The following CDK19 variants were observed in gnomAD, a reference collection of about 807,000 sequenced individuals.
The protein encoded by CDK19 is cyclin dependent kinase 19, also known as cyclin-dependent kinase 19.
A neutral mutation model predicts 68.3 loss-of-function variants in CDK19; 20 were observed. The observed-to-expected ratio is 0.29, with a 90% CI of 0.21 to 0.43. The LOEUF is 0.43. Among genes scored for constraint, CDK19 ranks in the 20% least tolerant of loss-of-function variants. The probability of loss-of-function intolerance (pLI) is 1.00; values close to 1 mark genes in which losing one functional copy is unlikely to be tolerated. For synonymous variants in CDK19, 221 were observed against 222.8 expected, an observed-to-expected ratio of 0.99 and a Z score of 0.07; for missense variants, 339 against 623.5, an observed-to-expected ratio of 0.54 and a Z score of 4.86.
rs1465897227 is a variant in CDK19, at chr6:110,752,881, C to T, written c.129-6680G>A. 2.0e-5 allele frequency among the ~76,000 whole-genome samples: 3 copies of T among 152,070 alleles called. 1 individual carries two copies. The East Asian group carries it at 5.8e-4, about 29-fold the overall frequency. On this transcript the variant is annotated intron_variant, in intron 1 of 12. Transcript: ENST00000368911. ...TGACCTAGCCTACTCCTTTTTCTTA[C>T]AAACTGATTGACTAGTTATCTCGGG...
intron 4 of CDK19, chr6:110,646,567 A>T: frequency 3.2e-6 from 3 of 925,322 alleles, no homozygotes; most frequent in Middle Eastern, 5.5e-4. Flanking sequence ...GAGTACGGCC[A>T]CCTGCAGGGG....
chr6:110,658,959 A>G (rs1781464087), intron 4 of CDK19, among the ~76,000 whole-genome samples: 1 of 152,240 alleles, frequency 6.6e-6, no homozygotes, highest in South Asian at 2.1e-4. Context: ...GTCAACAACC[A>G]TATAAATTAC....
intron 2 of CDK19, among the ~76,000 whole-genome samples, chr6:110,713,206 A>C (rs1318543931): frequency 6.6e-6 from 1 of 151,442 alleles, no homozygotes; most frequent in Non-Finnish European, 1.5e-5. Context: ...AAAAAAAAAA[A>C]AAAAAAGCAA....
chr6:110,690,845 TAAGG>T (rs556178680), intron 2 of CDK19, among the ~76,000 whole-genome samples: 36 of 151,864 alleles, frequency 2.4e-4, no homozygotes, highest in Non-Finnish European at 4.1e-4. Context: ...GTCACATCCT[TAAGG>T]AAGGGAAAAA....
chr6:110,778,747 C>G (rs1022333530), intron 1 of CDK19, among the ~76,000 whole-genome samples: 4 of 152,090 alleles, frequency 2.6e-5, no homozygotes, highest in African/African-American at 9.7e-5. Flanking sequence ...TGTACATTTC[C>G]CAGCCTTCCT....
chr6:110,634,483 GC>G (rs1267178163), intron 5 of CDK19, among the ~76,000 whole-genome samples: 1 of 152,214 alleles, frequency 6.6e-6, no homozygotes, highest in Non-Finnish European at 1.5e-5. Context: ...CTCCCAAAGG[GC>G]TGGGATTACA....
chr6:110,636,887 T>C (rs1250976198), intron 5 of CDK19, among the ~76,000 whole-genome samples: 3 of 152,202 alleles, frequency 2.0e-5, no homozygotes, highest in Non-Finnish European at 2.9e-5. Context: ...ATTTAGAAGC[T>C]AGGAAGGGCA....
At chr6:110,786,226 T>C (rs1562287486) in intron 1 of CDK19, among the ~76,000 whole-genome samples, 1 of 152,152 alleles carries the variant, frequency 6.6e-6, no homozygotes, top group Non-Finnish European at 1.5e-5. Flanking sequence ...TTCTTGTGTG[T>C]CTTTTTCCTC....
At position 110,621,941 on chromosome 6, in the gene CDK19, C is replaced by T; in HGVS notation, c.1110+147G>A. ...AACTTCAAGGTACCTTTACAATCCC[C>T]AAACTTCCACAGAAAATAAGATACA... On this transcript the variant is annotated intron_variant, in intron 11 of 12. Coordinates refer to ENST00000368911, the MANE Select transcript of CDK19 (RefSeq NM_015076.5). This position sits in a 1 kb window ranked among gnomAD's most constrained non-coding sequence, Gnocchi z 5.4. The T allele has an allele frequency of 2.0e-6, 1 of 489,824 alleles. No individual in the cohort carries two copies. Among genetic ancestry groups the T allele is most frequent in the East Asian group, 3.3e-5 (1 of 30,224 alleles). 30.3% of individuals were successfully genotyped at this position (489,824 alleles called of 1,614,324 possible). A position where few individuals can be genotyped will look rare whatever the true frequency, so the allele number is the denominator to read the frequency against.
At chr6:110,768,910 T>C (rs1779779046) in intron 1 of CDK19, among the ~76,000 whole-genome samples, 1 of 151,972 alleles carries the variant, frequency 6.6e-6, no homozygotes, top group Admixed American at 6.6e-5. Context: ...CCTAGCACTT[T>C]GGGGGTCCAA....
At chr6:110,656,965 A>C (rs1781344696) in intron 4 of CDK19, among the ~76,000 whole-genome samples, 1 of 152,218 alleles carries the variant, frequency 6.6e-6, no homozygotes, top group African/African-American at 2.4e-5. Context: ...TCATCCTTAG[A>C]GAAGCAACAC....
intron 2 of CDK19, among the ~76,000 whole-genome samples, chr6:110,737,788 G>A (rs1050987173): frequency 6.6e-6 from 1 of 151,960 alleles, no homozygotes; most frequent in South Asian, 2.1e-4. Flanking sequence ...ATATATATTT[G>A]AGAAAAATAT....
chr6:110,644,046 C>T (rs1473071275), intron 4 of CDK19, among the ~76,000 whole-genome samples: 2 of 151,914 alleles, frequency 1.3e-5, no homozygotes, highest in East Asian at 3.9e-4. Context: ...GTAATCCCAG[C>T]ACTTTGGGAG....
chr6:110,639,033 C>A (rs1391595760), intron 4 of CDK19, among the ~76,000 whole-genome samples: 1 of 152,158 alleles, frequency 6.6e-6, no homozygotes, highest in Admixed American at 6.5e-5. Flanking sequence ...AGTTTATGTG[C>A]TTGAAAAATT....
At chr6:110,760,183 G>A (rs1190996488) in intron 1 of CDK19, among the ~76,000 whole-genome samples, 1 of 151,868 alleles carries the variant, frequency 6.6e-6, no homozygotes, top group Admixed American at 6.6e-5. Context: ...ATCACTTGAG[G>A]CCAGAAATTC....
chr6:110,678,885 C>T lies in CDK19; in HGVS notation c.205-8344G>A, dbSNP rs370866235. ...CCGGTAGAGGTTCACTGACTTCCCT[C>T]CCCAATAGTGGAAGAAGCTGGTTTT... On this transcript the variant is annotated intron_variant, in intron 2 of 12. Transcript: ENST00000368911. Among the ~76,000 whole-genome samples the T allele has an allele frequency of 1.2e-4, 18 of 152,338 alleles. No individual in the cohort carries two copies. In the South Asian group the frequency reaches 1.9e-3, roughly 16 times the overall value.
chr6:110,610,476 AG>A lies in CDK19; in HGVS notation c.*4058del, dbSNP rs1777964518. On this transcript the variant is annotated 3_prime_UTR_variant, in exon 13 of 13. Transcript: ENST00000368911. The stretch of plus-strand genomic sequence containing the variant: ...ATATTTAGGAGATAACAGTGCATTA[AG>A]GGTTTTTTTTTTTATATAATACATA... The A allele has an allele frequency of 1.3e-5, 2 of 151,374 alleles. No individual in the cohort carries two copies. Among genetic ancestry groups the A allele is most frequent in the African/African-American group, 4.9e-5 (2 of 40,474 alleles). 9.4% of individuals were successfully genotyped at this position (151,374 alleles called of 1,614,324 possible).
At chr6:110,798,833 T>C (rs1245137069) in intron 1 of CDK19, among the ~76,000 whole-genome samples, 1 of 151,786 alleles carries the variant, frequency 6.6e-6, no homozygotes, top group African/African-American at 2.4e-5. Context: ...ACATCCTATA[T>C]GAAAATGCTA....
intron 12 of CDK19, 112 bp downstream of exon 12, chr6:110,620,992 A>T: frequency 2.1e-6 from 2 of 973,634 alleles, no homozygotes; most frequent in Middle Eastern, 2.5e-4. Flanking sequence ...CCCTAGAAAC[A>T]GGATTGCACA....
Sources: gnomAD v4.1 joint callset for allele counts (sites outside exome capture counted in the v4.1 genomes callset) on GRCh38, gnomAD v4.1.1 for gene constraint, Gnocchi (gnomAD v3.1) non-coding constraint, MANE v1.5 for transcripts, NCBI Gene and HGNC (gene_info 2026-07-23, HGNC 2026-07-21) for gene names.